Variants in CSMD1 observed in about 807,000 individuals in gnomAD.
The protein encoded by CSMD1 is CUB and sushi domain-containing protein 1.
CSMD1 carries 213 observed loss-of-function variants against 417.5 expected under a neutral mutation model. The ratio of observed to expected loss-of-function variants is 0.51; its 90% CI spans 0.46 to 0.57. The LOEUF is 0.57. Among genes scored for constraint, CSMD1 ranks in the 20% least tolerant of loss-of-function variants. The probability of loss-of-function intolerance (pLI) is 0.00; values close to 1 mark genes in which losing one functional copy is unlikely to be tolerated. For synonymous variants in CSMD1, 2,862 were observed against 1,736.8 expected (o/e 1.65, Z -16.11); for missense variants, 6,923 against 4,529.7 (o/e 1.53, Z -15.17).
At chr8:4,475,284 T>G (rs1202091219) in intron 2 of CSMD1, among the ~76,000 whole-genome samples, 1 of 152,192 alleles carries the variant, frequency 6.6e-6, no homozygotes, top group Admixed American at 6.5e-5. Context: ...TCCATAATAG[T>G]TTGAAATCTA....
chr8:3,652,649 C>A (rs192250442), intron 7 of CSMD1, among the ~76,000 whole-genome samples: 2 of 152,228 alleles, frequency 1.3e-5, no homozygotes, highest in East Asian at 3.9e-4. Context: ...CATCAGATCT[C>A]GTGAGACTTA....
intron 10 of CSMD1, among the ~76,000 whole-genome samples, chr8:3,561,723 T>C (rs969752071): frequency 6.6e-6 from 1 of 152,080 alleles, no homozygotes; most frequent in Non-Finnish European, 1.5e-5. Context: ...CCCACCACGA[T>C]GTAGTGTATC....
intron 1 of CSMD1, among the ~76,000 whole-genome samples, chr8:4,736,628 G>T (rs1177620007): frequency 6.6e-6 from 1 of 152,182 alleles, no homozygotes; most frequent in Non-Finnish European, 1.5e-5. Flanking sequence ...GGGAAAGGCA[G>T]TGACACCTAA....
chr8:4,093,198 A>C (rs1049640047), intron 3 of CSMD1, among the ~76,000 whole-genome samples: 21 of 152,232 alleles, frequency 1.4e-4, no homozygotes, highest in Admixed American at 3.9e-4. Context: ...TTGAAGTTTC[A>C]CATTATGTAA....
intron 5 of CSMD1, among the ~76,000 whole-genome samples, chr8:3,892,891 G>A (rs1289062867): frequency 6.6e-6 from 1 of 151,858 alleles, no homozygotes; most frequent in Non-Finnish European, 1.5e-5. Flanking sequence ...AGGATGGCAA[G>A]CGTTGATGTG....
intron 26 of CSMD1, among the ~76,000 whole-genome samples, chr8:3,252,160 C>G (rs1024311370): frequency 2.0e-5 from 3 of 152,152 alleles, no homozygotes; most frequent in African/African-American, 7.2e-5. Context: ...GGGAATGCTT[C>G]CAGTTTTTGC....
intron 4 of CSMD1, among the ~76,000 whole-genome samples, chr8:4,029,620 G>A (rs760203221): frequency 6.6e-6 from 1 of 152,048 alleles, no homozygotes; most frequent in Non-Finnish European, 1.5e-5. Flanking sequence ...ATGAGGTTTT[G>A]GTAGGGACAC....
intron 57 of CSMD1, among the ~76,000 whole-genome samples, chr8:2,969,812 G>T (rs1804285363): frequency 6.6e-6 from 1 of 152,170 alleles, no homozygotes; most frequent in South Asian, 2.1e-4. Context: ...TTGCTGGTGT[G>T]TGTGTGTTCA....
At chr8:3,103,948 G>T (rs62488454) in intron 46 of CSMD1, among the ~76,000 whole-genome samples, 17,621 of 151,710 alleles carry the variant, frequency 0.12, 1,168 homozygotes, top group Non-Finnish European at 0.15. Context: ...TCTTCATGTT[G>T]GTCACGGTGG....
chr8:4,064,131 C>G lies in CSMD1; in HGVS notation c.416-32032G>C, dbSNP rs182986766. The stretch of plus-strand genomic sequence containing the variant: ...AGCAAAGGGTCCTAGAAAATTGTTT[C>G]TGCCTCTGATGTAAAGTTCAAAAGT... On this transcript the variant is annotated intron_variant, in intron 3 of 69. Coordinates refer to ENST00000635120, the MANE Select transcript of CSMD1 (RefSeq NM_033225.6). 2.3e-4 allele frequency among the ~76,000 whole-genome samples: 35 copies of G among 152,282 alleles called. No individual in the cohort carries two copies. The East Asian group carries it at 6.2e-3, about 27-fold the overall frequency.
At chr8:3,969,142 C>G (rs987837352) in intron 5 of CSMD1, among the ~76,000 whole-genome samples, 8 of 152,044 alleles carry the variant, frequency 5.3e-5, no homozygotes, top group African/African-American at 1.7e-4. Context: ...TGTTACTACT[C>G]GAGAGGCTGA....
chr8:3,837,871 G>C (rs1336934933), intron 5 of CSMD1, among the ~76,000 whole-genome samples: 1 of 151,996 alleles, frequency 6.6e-6, no homozygotes, highest in African/African-American at 2.4e-5. Flanking sequence ...CAACCTCACA[G>C]GACTAGTTTT....
chr8:3,856,931 G>A (rs1460823496), intron 5 of CSMD1, among the ~76,000 whole-genome samples: 5 of 152,154 alleles, frequency 3.3e-5, no homozygotes, highest in African/African-American at 4.8e-5. Context: ...CCACAGTGTA[G>A]CCTAGCTATC....
intron 41 of CSMD1, among the ~76,000 whole-genome samples, chr8:3,123,721 G>T (rs1817339296): frequency 6.6e-6 from 1 of 152,184 alleles, no homozygotes; most frequent in Non-Finnish European, 1.5e-5. Flanking sequence ...AATTAGCAGT[G>T]CCTTGGAAGT....
intron 25 of CSMD1, among the ~76,000 whole-genome samples, chr8:3,288,055 G>A (rs987142046): frequency 3.4e-5 from 5 of 146,798 alleles, no homozygotes; most frequent in African/African-American, 1.1e-4. Flanking sequence ...CATCTATTGA[G>A]ATAATCATGT....
intron 7 of CSMD1, among the ~76,000 whole-genome samples, chr8:3,647,859 A>G (rs1797655756): frequency 2.0e-5 from 3 of 152,254 alleles, no homozygotes; most frequent in African/African-American, 7.2e-5. Flanking sequence ...TACCTTTTCT[A>G]ACTATTCTTG....
chr8:3,294,718 C>T (rs1194782307), intron 25 of CSMD1, among the ~76,000 whole-genome samples: 1 of 152,162 alleles, frequency 6.6e-6, no homozygotes, highest in African/African-American at 2.4e-5. Flanking sequence ...CAGGTGCCAT[C>T]TGTCACCCCT....
chr8:3,716,329 T>A lies in CSMD1; in HGVS notation c.932-7838A>T, dbSNP rs114092960. On this transcript the variant is annotated intron_variant, in intron 6 of 69. Transcript: ENST00000635120. ...AGTGAAAGCAAGTTTATTGAGAAAA[T>A]AGAGGAATAAAAGAAGGGCTACTCC... 8.8e-3 allele frequency among the ~76,000 whole-genome samples: 1,341 copies of A among 152,090 alleles called. 15 individuals carry two copies. Among genetic ancestry groups the A allele is most frequent in the African/African-American group, 0.028 (1,179 of 41,464 alleles).
chr8:4,964,897 G>T (rs912040119), intron 1 of CSMD1, among the ~76,000 whole-genome samples: 31 of 152,282 alleles, frequency 2.0e-4, no homozygotes, highest in Middle Eastern at 3.4e-3. Context: ...AGCGGAGTTT[G>T]GGGAGCAGGA....
Sources: allele counts gnomAD v4.1 joint callset (sites outside exome capture counted in the v4.1 genomes callset), GRCh38; gene constraint gnomAD v4.1.1; transcripts MANE v1.5; gene names NCBI Gene and HGNC (gene_info 2026-07-23, HGNC 2026-07-21).